Variants in ATP9B observed in about 807,000 individuals in gnomAD.
ATP9B encodes the protein ATPase phospholipid transporting 9B.
Under a neutral mutation model 146.1 loss-of-function variants are expected in ATP9B, and 110 were observed. The observed-to-expected ratio is 0.75, with a 90% CI of 0.65 to 0.88. The LOEUF is 0.88. Among genes scored for constraint, ATP9B ranks in the 40% least tolerant of loss-of-function variants. The pLI, the probability that ATP9B is intolerant of heterozygous loss-of-function variation, is 0.00. For missense variants in ATP9B, 1,499 were observed against 1,496.4 expected (o/e 1.00, Z -0.03); for synonymous variants, 604 against 569.7 (o/e 1.06, Z -0.86).
At chr18:79,273,064 G>T (rs915846038) in intron 12 of ATP9B, among the ~76,000 whole-genome samples, 1 of 152,220 alleles carries the variant, frequency 6.6e-6, no homozygotes, top group Non-Finnish European at 1.5e-5. Flanking sequence ...GTGGCAGGTG[G>T]CCGTGCCAGT....
At chr18:79,297,878 G>A (rs1344862427) in intron 13 of ATP9B, among the ~76,000 whole-genome samples, 1 of 147,018 alleles carries the variant, frequency 6.8e-6, no homozygotes, top group East Asian at 2.0e-4. Context: ...GGTATAAAGA[G>A]CAGGAAGGGA....
intron 8 of ATP9B, among the ~76,000 whole-genome samples, chr18:79,180,235 A>G (rs6506736): frequency 0.58 from 87,609 of 151,972 alleles, 26,840 homozygotes; most frequent in African/African-American, 0.8. Flanking sequence ...GTACATTTAC[A>G]GTAATCGTTA....
chr18:79,110,315 C>CAA, intron 2 of ATP9B, 40 bp from the exon 3 acceptor site: 1 of 1,436,800 alleles, frequency 7.0e-7, no homozygotes, highest in Admixed American at 2.5e-5. Flanking sequence ...TTTTAAAAAG[C>CAA]AAAAAAAAAT....
chr18:79,377,359 C>G lies in ATP9B; in HGVS notation c.3420C>G (p.Pro1140=), dbSNP rs772552502. The change falls in exon 30 of 30, where the codon CCC becomes CCG. Residue 1140 remains proline, a synonymous_variant. Coordinates refer to ENST00000426216, the MANE Select transcript of ATP9B (RefSeq NM_198531.5). ...LKYLRRKLSP[P]SYCKLAS is the part of the protein sequence containing the mutation. Reference sequence around the variant, plus strand: ...ACCTGAGGCGCAAGCTCTCTCCTCCCAGCTACTGCAAGCTGGCCTCCTAAG... The same window carrying G: ...ACCTGAGGCGCAAGCTCTCTCCTCCGAGCTACTGCAAGCTGGCCTCCTAAG... 1.5e-5 allele frequency: 24 copies of G among 1,609,818 alleles called. No individual in the cohort carries two copies. Among genetic ancestry groups the G allele is most frequent in the Non-Finnish European group, 2.0e-5 (24 of 1,180,030 alleles).
chr18:79,139,933 A>G (rs2147364561), intron 5 of ATP9B, among the ~76,000 whole-genome samples: 1 of 152,372 alleles, frequency 6.6e-6, no homozygotes, highest in South Asian at 2.1e-4. Context: ...ACTACATGTC[A>G]TAAAAGTATA....
intron 4 of ATP9B, among the ~76,000 whole-genome samples, chr18:79,113,705 T>C (rs2147021950): frequency 6.6e-6 from 1 of 152,314 alleles, no homozygotes; most frequent in East Asian, 1.9e-4. Flanking sequence ...GGGTCTGTTC[T>C]GTTACTCTCT....
rs1168245714 is a variant in ATP9B at position 79,377,582 on chromosome 18, A to G, written c.*199A>G. 7 of 679,680 alleles carry G rather than the reference A, an allele frequency of 1.0e-5. No homozygotes were observed. In the Admixed American group the frequency reaches 1.8e-4, roughly 17 times the overall value. 42.1% of individuals were successfully genotyped at this position (679,680 alleles called of 1,614,324 possible). ...TGCAGGGACGTCACCCCTGCCAGGCAAGCCCAGGGCACAGATGCCAGGATG... is the reference window on the plus strand; with the variant it reads ...TGCAGGGACGTCACCCCTGCCAGGCGAGCCCAGGGCACAGATGCCAGGATG... On this transcript the variant is annotated 3_prime_UTR_variant, in exon 30 of 30. Coordinates refer to ENST00000426216, the MANE Select transcript of ATP9B (RefSeq NM_198531.5).
chr18:79,181,713 T>C (rs760787987), intron 8 of ATP9B, among the ~76,000 whole-genome samples: 12 of 152,194 alleles, frequency 7.9e-5, no homozygotes, highest in Non-Finnish European at 1.5e-4. Flanking sequence ...CCAATGAATT[T>C]TGTTATTCTG....
intron 13 of ATP9B, among the ~76,000 whole-genome samples, chr18:79,277,498 G>C (rs2096325420): frequency 6.6e-6 from 1 of 151,458 alleles, no homozygotes; most frequent in Non-Finnish European, 1.5e-5. Flanking sequence ...AACTACCTTT[G>C]TAACACCTCC....
chr18:79,270,784 A>G (rs1030644976), intron 12 of ATP9B, among the ~76,000 whole-genome samples: 2 of 152,044 alleles, frequency 1.3e-5, no homozygotes, highest in Admixed American at 1.3e-4. Context: ...TACTTTTCAA[A>G]CAGTGTTCTT....
In ATP9B at chr18:79,253,540, A is replaced by G. The variant is rs764104429; in HGVS notation, c.1267A>G (p.Ser423Gly). ...CCTCTTTTCTTACATCATTCCCATAAGGTAAGTTTAAAAATGAAAATAAAA... is the reference window on the plus strand; with the variant it reads ...CCTCTTTTCTTACATCATTCCCATAGGGTAAGTTTAAAAATGAAAATAAAA... ...LLLFSYIIPI[S>G]LRVNLDMGKA... The change falls in exon 12 of 30, where the codon AGT becomes GGT. Residue 423 changes from serine to glycine, a missense_variant and splice_region_variant. Ser to Gly is a moderately conservative substitution (Grantham distance 56). Transcript: ENST00000426216. 5 of 1,577,608 alleles carry G rather than the reference A, an allele frequency of 3.2e-6. No individual in the cohort carries two copies. Among genetic ancestry groups the G allele is most frequent in the Non-Finnish European group, 4.3e-6 (5 of 1,169,190 alleles).
In ATP9B at chr18:79,188,129, C is replaced by A. The variant is rs534769452; in HGVS notation, c.874-5054C>A. Among the ~76,000 whole-genome samples the A allele has an allele frequency of 1.4e-4, 22 of 152,090 alleles. No homozygotes were observed. The South Asian group carries it at 4.6e-3, about 32-fold the overall frequency. On this transcript the variant is annotated intron_variant, in intron 8 of 29. Coordinates refer to ENST00000426216, the MANE Select transcript of ATP9B (RefSeq NM_198531.5). Reference sequence around the variant, plus strand: ...GCCCGGTGCAAATGTAAAAGCCCAGCCCAGAGGAAGTAGGTGTTCCAGGAA... The same window carrying A: ...GCCCGGTGCAAATGTAAAAGCCCAGACCAGAGGAAGTAGGTGTTCCAGGAA...
intron 7 of ATP9B, among the ~76,000 whole-genome samples, chr18:79,158,822 T>C (rs1015642962): frequency 1.3e-5 from 2 of 152,214 alleles, no homozygotes; most frequent in African/African-American, 4.8e-5. Context: ...TCCTGTTGAG[T>C]GGAATGTTCC....
chr18:79,111,229 G>A (rs2075986405), intron 3 of ATP9B, among the ~76,000 whole-genome samples: 1 of 152,160 alleles, frequency 6.6e-6, no homozygotes, highest in Non-Finnish European at 1.5e-5. Flanking sequence ...TAAAGGAAAA[G>A]GAAGCTGGTA....
chr18:79,330,776 A>G (rs1043432675), intron 17 of ATP9B, among the ~76,000 whole-genome samples: 1 of 152,246 alleles, frequency 6.6e-6, no homozygotes, highest in Non-Finnish European at 1.5e-5. Context: ...GTGTCAATCT[A>G]TACAAGTAGG....
At chr18:79,345,203 C>T (rs1049751673) in intron 21 of ATP9B, among the ~76,000 whole-genome samples, 2 of 152,176 alleles carry the variant, frequency 1.3e-5, no homozygotes, top group South Asian at 2.1e-4. Flanking sequence ...GGAAGAACTT[C>T]CCTAGGCAGG....
intron 13 of ATP9B, among the ~76,000 whole-genome samples, chr18:79,299,566 CCT>C (rs1030989237): frequency 2.6e-5 from 4 of 152,198 alleles, no homozygotes; most frequent in Non-Finnish European, 4.4e-5. Flanking sequence ...TCTCTTGCAG[CCT>C]CTCTCCCTGT....
intron 13 of ATP9B, among the ~76,000 whole-genome samples, chr18:79,290,079 G>A (rs2096486620): frequency 6.6e-6 from 1 of 152,146 alleles, no homozygotes. Context: ...GGACCCACTT[G>A]AGGAGGCAGT....
chr18:79,109,719 C>G (rs1436615105), intron 2 of ATP9B, among the ~76,000 whole-genome samples: 1 of 152,028 alleles, frequency 6.6e-6, no homozygotes, highest in East Asian at 1.9e-4. Flanking sequence ...GTGCCTGCCA[C>G]CATGGCTGGC....
Sources: gnomAD v4.1 joint callset for allele counts (sites outside exome capture counted in the v4.1 genomes callset) on GRCh38, gnomAD v4.1.1 for gene constraint, MANE v1.5 for transcripts, NCBI Gene and HGNC (gene_info 2026-07-23, HGNC 2026-07-21) for gene names.